MSI2: variants seen among roughly 807,000 people sequenced by gnomAD.
MSI2 encodes RNA-binding protein Musashi homolog 2.
A neutral mutation model predicts 45.6 loss-of-function variants in MSI2; 17 were observed. The ratio of observed to expected loss-of-function variants is 0.37; its 90% CI spans 0.26 to 0.56. The LOEUF is 0.56. MSI2 is among the 20% of genes least tolerant of loss of function. The pLI is 0.77. For missense variants in MSI2, 293 were observed against 444.2 expected (o/e 0.66, Z 3.06); for synonymous variants, 156 against 158.2 (o/e 0.99, Z 0.11).
intron 6 of MSI2, among the ~76,000 whole-genome samples, chr17:57,455,293 C>T (rs999415920): frequency 1.3e-5 from 2 of 152,292 alleles, no homozygotes; most frequent in Non-Finnish European, 1.5e-5. Context: ...GCCCCTGCCC[C>T]CCAACTCACA....
chr17:57,553,813 A>G (rs567613712), intron 7 of MSI2, among the ~76,000 whole-genome samples: 8 of 152,324 alleles, frequency 5.3e-5, no homozygotes, highest in African/African-American at 1.7e-4. Flanking sequence ...AAGAGCCGGC[A>G]GCCCTTCTGT....
intron 9 of MSI2, among the ~76,000 whole-genome samples, chr17:57,624,906 G>A (rs947751072): frequency 6.6e-6 from 1 of 152,194 alleles, no homozygotes; most frequent in Non-Finnish European, 1.5e-5. Flanking sequence ...TACCATAGAC[G>A]AGGTGGCTTA....
chr17:57,305,622 A>G (rs2143569247), intron 5 of MSI2, among the ~76,000 whole-genome samples: 1 of 152,294 alleles, frequency 6.6e-6, no homozygotes, highest in Non-Finnish European at 1.5e-5. Flanking sequence ...GGGTGAAGGA[A>G]GATAAAGTGT....
chr17:57,647,147 G>T (rs1385007508), intron 10 of MSI2, among the ~76,000 whole-genome samples: 1 of 151,856 alleles, frequency 6.6e-6, no homozygotes, highest in Non-Finnish European at 1.5e-5. Flanking sequence ...AAGAAATTCA[G>T]GCCAGGCACG....
chr17:57,680,565 A>G lies in MSI2; in HGVS notation c.*1048A>G, dbSNP rs1467543747. 4.4e-6 allele frequency: 1 copy of G among 227,828 alleles called. No homozygotes were observed. The highest frequency in any genetic ancestry group is 8.7e-6 in the Non-Finnish European group (1 of 114,792). The allele number at this position is 227,828 out of a possible 1,614,324, so 14.1% of individuals were successfully genotyped here. On this transcript the variant is annotated 3_prime_UTR_variant, in exon 14 of 14. Coordinates refer to ENST00000284073, the MANE Select transcript of MSI2 (RefSeq NM_138962.4). ...TTTAGCTCCTTTGTCTGTGTGATAG[A>G]CCTAAGAACTGTATTAGTGTTGTAC...
rs180896703 is a variant in MSI2 at position 57,680,248 on chromosome 17, A to G, written c.*731A>G. ...TTTTCGGCAATAAGGTAAGGACGACAGTGTTTTGAGTGTCCTCCTTTTCTA... is the reference window on the plus strand; with the variant it reads ...TTTTCGGCAATAAGGTAAGGACGACGGTGTTTTGAGTGTCCTCCTTTTCTA... On this transcript the variant is annotated 3_prime_UTR_variant, in exon 14 of 14. Transcript: ENST00000284073. 77 of 229,156 alleles carry G rather than the reference A, an allele frequency of 3.4e-4. No homozygotes were observed. In the East Asian group the frequency reaches 4.7e-3, roughly 14 times the overall value. 14.2% of individuals were successfully genotyped at this position (229,156 alleles called of 1,614,324 possible).
In MSI2 at chr17:57,596,881, C is replaced by A. The variant is rs1184787425; in HGVS notation, c.468C>A (p.Val156=). ...CTTTTCCTTTAGGGTTTGGCTTTGT[C>A]ACTTTTGAGAATGAAGATGTTGTGG... The part of the protein sequence containing the change: ...TTNRHRGFGF[V]TFENEDVVEK... Residue 156 remains valine (V), a synonymous_variant, in exon 8 of 14, where the codon GTC becomes GTA. Coordinates refer to ENST00000284073, the MANE Select transcript of MSI2 (RefSeq NM_138962.4). This position sits in a 1 kb window ranked among gnomAD's most constrained non-coding sequence, Gnocchi z 4.6. The A allele has an allele frequency of 2.5e-6, 4 of 1,612,920 alleles. No homozygotes were observed. Among genetic ancestry groups the A allele is most frequent in the Non-Finnish European group, 3.4e-6 (4 of 1,179,044 alleles).
intron 6 of MSI2, among the ~76,000 whole-genome samples, chr17:57,491,249 G>A (rs1031325156): frequency 1.3e-5 from 2 of 152,314 alleles, no homozygotes; most frequent in African/African-American, 2.4e-5. Flanking sequence ...CTCTGAGAGC[G>A]CAGTCAGGCA....
chr17:57,581,637 T>G (rs1031131891), intron 7 of MSI2, among the ~76,000 whole-genome samples: 11 of 152,164 alleles, frequency 7.2e-5, no homozygotes, highest in African/African-American at 2.7e-4. Flanking sequence ...TTAGAACATG[T>G]AGAGGGGCTG....
intron 11 of MSI2, among the ~76,000 whole-genome samples, chr17:57,670,773 A>G (rs1221820546): frequency 6.6e-6 from 1 of 152,150 alleles, no homozygotes; most frequent in African/African-American, 2.4e-5. Flanking sequence ...ATTTTCCTAA[A>G]TCTGCATGTG....
chr17:57,605,434 G>A (rs927914729), intron 8 of MSI2, among the ~76,000 whole-genome samples: 3 of 152,238 alleles, frequency 2.0e-5, no homozygotes, highest in African/African-American at 7.2e-5. Flanking sequence ...GGCCAGGGAG[G>A]GCAGTGGTCT....
chr17:57,465,482 T>G (rs1285280333), intron 6 of MSI2, among the ~76,000 whole-genome samples: 1 of 152,200 alleles, frequency 6.6e-6, no homozygotes, highest in Non-Finnish European at 1.5e-5. Context: ...GTTTGTTTTT[T>G]CGCCATGAAA....
chr17:57,301,003 T>G (rs1911373933), intron 5 of MSI2, among the ~76,000 whole-genome samples: 1 of 152,156 alleles, frequency 6.6e-6, no homozygotes, highest in Non-Finnish European at 1.5e-5. Context: ...ACTTGTTAGG[T>G]CCTAGAAAGT....
At chr17:57,696,832 C>T in the MSI2 span, among the ~76,000 whole-genome samples, 1 of 152,292 alleles carries the variant, frequency 6.6e-6, no homozygotes, top group Admixed American at 6.5e-5. Flanking sequence ...ATGTGATCAG[C>T]TATCCTTTCT....
chr17:57,642,237 G>T (rs1416985397), intron 10 of MSI2, among the ~76,000 whole-genome samples: 1 of 152,210 alleles, frequency 6.6e-6, no homozygotes, highest in African/African-American at 2.4e-5. Context: ...AATCAAAGTG[G>T]TGAGACCTTT....
At chr17:57,654,444 C>G (rs926943625) in intron 11 of MSI2, among the ~76,000 whole-genome samples, 1 of 152,232 alleles carries the variant, frequency 6.6e-6, no homozygotes, top group Non-Finnish European at 1.5e-5. Context: ...AGAAAATGAT[C>G]GGGAAGCCAA....
intron 6 of MSI2, among the ~76,000 whole-genome samples, chr17:57,496,249 G>A (rs977211372): frequency 2.0e-5 from 3 of 152,156 alleles, no homozygotes; most frequent in Admixed American, 6.5e-5. Flanking sequence ...TACACTTAGC[G>A]CCACGCCAGC....
chr17:57,397,443 C>T (rs1397088312), intron 5 of MSI2, among the ~76,000 whole-genome samples: 1 of 152,122 alleles, frequency 6.6e-6, no homozygotes, highest in Non-Finnish European at 1.5e-5. Flanking sequence ...GTGTGTGCAC[C>T]CTCACGTGTC....
chr17:57,676,682 A>G (rs888374743), intron 12 of MSI2, among the ~76,000 whole-genome samples: 2 of 152,242 alleles, frequency 1.3e-5, no homozygotes, highest in Non-Finnish European at 2.9e-5. Flanking sequence ...TCTGGGGTTC[A>G]GGGCAACATG....
Sources: allele counts gnomAD v4.1 joint callset (sites outside exome capture counted in the v4.1 genomes callset), GRCh38; gene constraint gnomAD v4.1.1; non-coding constraint Gnocchi (gnomAD v3.1); transcripts MANE v1.5; gene names NCBI Gene and HGNC (gene_info 2026-07-23, HGNC 2026-07-21).